The following LPGAT1 variants were observed in gnomAD, a reference collection of about 807,000 sequenced individuals.
LPGAT1 encodes lysophosphatidylglycerol acyltransferase 1.
LPGAT1 carries 11 observed loss-of-function variants against 47.5 expected under a neutral mutation model. The observed-to-expected ratio is 0.23, with a 90% CI of 0.15 to 0.38. The LOEUF is 0.38. Ranked by LOEUF, LPGAT1 falls within the 10% of genes least tolerant of loss-of-function variation. The pLI is 1.00. For missense variants in LPGAT1, 293 were observed against 439.0 expected (o/e 0.67, Z 2.97); for synonymous variants, 138 against 144.2 (o/e 0.96, Z 0.31).
chr1:211,786,231 C>G (rs1658873969), intron 4 of LPGAT1, among the ~76,000 whole-genome samples: 1 of 152,204 alleles, frequency 6.6e-6, no homozygotes, highest in South Asian at 2.1e-4. Context: ...GATATAATGT[C>G]CAGTACATAA....
intron 6 of LPGAT1, among the ~76,000 whole-genome samples, chr1:211,773,216 G>A (rs936195758): frequency 2.0e-5 from 3 of 151,964 alleles, no homozygotes; most frequent in African/African-American, 4.8e-5. Flanking sequence ...TTCCCATATC[G>A]GTGTCAAAGT....
rs561244478 is a variant in LPGAT1 at position 211,755,698 on chromosome 1, G to GA, written c.855-4632dup. Reference sequence around the variant, plus strand: ...AGGTGCAAGACTCCATCTCAAAAAAGAAAAAAAAAAAAAGAACTCACATGC... The same window carrying GA: ...AGGTGCAAGACTCCATCTCAAAAAAGAAAAAAAAAAAAAAGAACTCACATGC... On this transcript the variant is annotated intron_variant, in intron 6 of 7. Transcript: ENST00000366997. Among the ~76,000 whole-genome samples the GA allele has an allele frequency of 5.0e-3, 477 of 95,232 alleles. 3 individuals carry two copies. Among genetic ancestry groups the GA allele is most frequent in the East Asian group, 0.025 (85 of 3,442 alleles). 62.5% of individuals were successfully genotyped at this position (95,232 alleles called of 152,430 possible). A position where few individuals can be genotyped will look rare whatever the true frequency, so the allele number is the denominator to read the frequency against.
chr1:211,810,153 A>G (rs999369850), intron 2 of LPGAT1, among the ~76,000 whole-genome samples: 1 of 152,168 alleles, frequency 6.6e-6, no homozygotes, highest in Admixed American at 6.5e-5. Context: ...GATGGTAAAT[A>G]TAATTAATTT....
chr1:211,828,949 T>G, intron 2 of LPGAT1, 110 bp downstream of exon 2: 1 of 1,031,972 alleles, frequency 9.7e-7, no homozygotes, highest in Non-Finnish European at 1.4e-6. Flanking sequence ...TTTATTTTTT[T>G]CAATAGTGAA....
intron 5 of LPGAT1, among the ~76,000 whole-genome samples, chr1:211,780,630 C>A (rs1247607016): frequency 6.6e-6 from 1 of 152,106 alleles, no homozygotes; most frequent in East Asian, 1.9e-4. Context: ...GAAAAATATA[C>A]TTGTAAAACA....
At chr1:211,807,494 C>T (rs1659804454) in intron 2 of LPGAT1, among the ~76,000 whole-genome samples, 1 of 151,998 alleles carries the variant, frequency 6.6e-6, no homozygotes, top group Non-Finnish European at 1.5e-5. Flanking sequence ...TCGCACTACC[C>T]AGTTTTAAAA....
intron 2 of LPGAT1, among the ~76,000 whole-genome samples, chr1:211,816,556 C>T (rs1660184563): frequency 1.3e-5 from 2 of 152,180 alleles, no homozygotes; most frequent in Admixed American, 1.3e-4. Flanking sequence ...CTAGCTAGGC[C>T]TGAATAGCCT....
At chr1:211,779,978 G>C (rs568174303) in intron 5 of LPGAT1, among the ~76,000 whole-genome samples, 73 of 152,246 alleles carry the variant, frequency 4.8e-4, no homozygotes, top group African/African-American at 1.7e-3. Flanking sequence ...GGAAGTTCGA[G>C]ACCAGTCTAA....
At chr1:211,784,959 A>G (rs889529306) in intron 4 of LPGAT1, among the ~76,000 whole-genome samples, 2 of 151,758 alleles carry the variant, frequency 1.3e-5, no homozygotes, top group Non-Finnish European at 2.9e-5. Flanking sequence ...GCCTGCCACC[A>G]CACCCGGCTA....
At chr1:211,828,299 G>A (rs956715396) in intron 2 of LPGAT1, among the ~76,000 whole-genome samples, 1 of 152,064 alleles carries the variant, frequency 6.6e-6, no homozygotes, top group Non-Finnish European at 1.5e-5. Context: ...TACAATAAAC[G>A]ATACAGAATT....
rs190618355 is a variant in LPGAT1, at chr1:211,797,112, C to T, written c.239-3922G>A. 1.6e-3 allele frequency among the ~76,000 whole-genome samples: 247 copies of T among 152,152 alleles called. 3 individuals carry two copies. The highest frequency in any genetic ancestry group is 2.4e-4 in the Non-Finnish European group (16 of 68,000). On this transcript the variant is annotated intron_variant, in intron 2 of 7. Transcript: ENST00000366997. Reference sequence around the variant, plus strand: ...CTCTTCTAAAAATTACAAAAATTAGCAGGTGTGGTGGCATATGTCCGCAAT... The same window carrying T: ...CTCTTCTAAAAATTACAAAAATTAGTAGGTGTGGTGGCATATGTCCGCAAT...
intron 2 of LPGAT1, among the ~76,000 whole-genome samples, chr1:211,796,965 A>T (rs1387529654): frequency 1.8e-4 from 28 of 152,182 alleles, no homozygotes. Flanking sequence ...GAATCAAAAA[A>T]GTGAAGGTGG....
In LPGAT1 at chr1:211,744,736, T is replaced by C; in HGVS notation, c.*5163A>G. On this transcript the variant is annotated 3_prime_UTR_variant, in exon 8 of 8. Transcript: ENST00000366997. The stretch of plus-strand genomic sequence containing the variant: ...ACATGTATAGTTGAATACATAATTT[T>C]CTCCCAGAAGAGTGAACTGCTAAAC... 1 of 152,228 alleles carries C rather than the reference T, an allele frequency of 6.6e-6. No individual in the cohort carries two copies. The highest frequency in any genetic ancestry group is 1.5e-5 in the Non-Finnish European group (1 of 68,040). The allele number at this position is 152,228 out of a possible 1,614,324, so 9.4% of individuals were successfully genotyped here. A position where few individuals can be genotyped will look rare whatever the true frequency, so the allele number is the denominator to read the frequency against.
intron 4 of LPGAT1, 80 bp downstream of exon 4, chr1:211,787,552 G>T: frequency 1.0e-5 from 6 of 599,776 alleles, no homozygotes; most frequent in South Asian, 2.1e-5. Flanking sequence ...TATTATAATT[G>T]GTTTTGTTAT....
chr1:211,784,964 C>A (rs1019269961), intron 4 of LPGAT1, among the ~76,000 whole-genome samples: 1 of 151,926 alleles, frequency 6.6e-6, no homozygotes, highest in African/African-American at 2.4e-5. Flanking sequence ...CCACCACACC[C>A]GGCTAATTTT....
chr1:211,783,306 G>A lies in LPGAT1; in HGVS notation c.650C>T (p.Ala217Val). 1 of 1,614,010 alleles carries A rather than the reference G, an allele frequency of 6.2e-7. No homozygotes were observed. The highest frequency in any genetic ancestry group is 8.5e-7 in the Non-Finnish European group (1 of 1,179,966). The change falls in exon 5 of 8, where the codon GCA becomes GTA. Residue 217 changes from alanine to valine, a missense_variant. By Grantham distance (64) the Ala-to-Val change is moderately conservative. Transcript: ENST00000366997. ...AAGTGCATTCAAAATAATTTTTGTT[G>A]CCCCAGACCTTGGCAGAGTAACATT... ...LTNVTLPRSG[A>V]TKIILNALVA... is the part of the protein sequence containing the mutation.
chr1:211,770,258 T>C (rs1571709878), intron 6 of LPGAT1, among the ~76,000 whole-genome samples: 1 of 152,200 alleles, frequency 6.6e-6, no homozygotes, highest in Non-Finnish European at 1.5e-5. Flanking sequence ...ATTTAAAATA[T>C]TGCTAAACTG....
chr1:211,806,575 G>T (rs1201875201), intron 2 of LPGAT1, among the ~76,000 whole-genome samples: 2 of 152,190 alleles, frequency 1.3e-5, no homozygotes, highest in Non-Finnish European at 2.9e-5. Flanking sequence ...ATTAGGTACT[G>T]TGTTCACTAC....
At chr1:211,828,729 T>C (rs984599887) in intron 2 of LPGAT1, among the ~76,000 whole-genome samples, 1 of 152,210 alleles carries the variant, frequency 6.6e-6, no homozygotes, top group African/African-American at 2.4e-5. Context: ...ATAGATGAAA[T>C]ATCTTACATC....
Sources: gnomAD v4.1 joint callset for allele counts (sites outside exome capture counted in the v4.1 genomes callset) on GRCh38, gnomAD v4.1.1 for gene constraint, MANE v1.5 for transcripts, NCBI Gene and HGNC (gene_info 2026-07-23, HGNC 2026-07-21) for gene names.